MAP4K2: variants seen among roughly 807,000 people sequenced by gnomAD.
MAP4K2 encodes mitogen-activated protein kinase kinase kinase kinase 2, also known as B lymphocyte serine/threonine protein kinase.
In MAP4K2, 85 loss-of-function variants were observed where a neutral mutation model predicts 125.3. The observed-to-expected ratio is 0.68, with a 90% CI of 0.57 to 0.81. The LOEUF (loss-of-function observed/expected upper bound fraction) is 0.81, where lower values mean the gene tolerates loss of function less well. Among genes scored for constraint, MAP4K2 ranks in the 40% least tolerant of loss-of-function variants. MAP4K2 has a pLI of 0.00. For synonymous variants in MAP4K2, 479 were observed against 445.1 expected (o/e 1.08, Z -0.96); for missense variants, 923 against 1,056.4 (o/e 0.87, Z 1.75).
Position 64,802,012 on chromosome 11 carries a change from C to T in MAP4K2, c.366+54G>A, listed in dbSNP as rs1243993437. On this transcript the variant is annotated intron_variant, in intron 5 of 31. Transcript: ENST00000294066. Reference sequence around the variant, plus strand: ...GCCTCCCTGCTGGTCATCTGGGCTCCTGGCCCACAGCTTCTGGAGACCAGA... The same window carrying T: ...GCCTCCCTGCTGGTCATCTGGGCTCTTGGCCCACAGCTTCTGGAGACCAGA... 176 of 1,563,882 alleles carry T rather than the reference C, an allele frequency of 1.1e-4. 1 individual carries two copies. The highest frequency in any genetic ancestry group is 8.7e-7 in the Non-Finnish European group (1 of 1,148,982).
Position 64,800,787 on chromosome 11 carries a change from G to A in MAP4K2, c.702C>T (p.Pro234=). ...MLMSKSSFQP[P]KLRDKTRWTQ... Reference sequence around the variant, plus strand: ...ACCAGCGAGTCTTATCTCTCAGTTTGGGCGGCTGGAAGCTGCTCTTCGACA... The same window carrying A: ...ACCAGCGAGTCTTATCTCTCAGTTTAGGCGGCTGGAAGCTGCTCTTCGACA... The change falls in exon 10 of 32, where the codon CCC becomes CCT. Residue 234 remains proline, a synonymous_variant. Coordinates refer to ENST00000294066, the MANE Select transcript of MAP4K2 (RefSeq NM_004579.5). 1 of 1,609,356 alleles carries A rather than the reference G, an allele frequency of 6.2e-7. No homozygotes were observed. Among genetic ancestry groups the A allele is most frequent in the Non-Finnish European group, 8.5e-7 (1 of 1,177,922 alleles).
rs1267693560 is a variant in MAP4K2 at position 64,800,351 on chromosome 11, T to C, written c.767A>G (p.Lys256Arg). 1 of 1,614,140 alleles carries C rather than the reference T, an allele frequency of 6.2e-7. No homozygotes were observed. The highest frequency in any genetic ancestry group is 8.5e-7 in the Non-Finnish European group (1 of 1,180,018). The change falls in exon 11 of 32, where the codon AAG (lysine) becomes AGG (arginine). Residue 256 changes from lysine to arginine, a missense_variant. Lys to Arg is a conservative substitution (Grantham distance 26). Coordinates refer to ENST00000294066, the MANE Select transcript of MAP4K2 (RefSeq NM_004579.5). ...FHHFLKLALT[K>R]NPKKRPTAEK... ...TGCTGTCGGCCTCTTCTTAGGATTC[T>C]TGGTCAGGGCCAGTTTGAGAAAGTG...
In MAP4K2 at chr11:64,792,345, C is replaced by A; in HGVS notation, c.1810+19G>T. The A allele has an allele frequency of 6.4e-7, 1 of 1,567,860 alleles. No individual in the cohort carries two copies. ...CCCCCCACCAGGCCCCGCCCCACCC[C>A]GCCCAGCCCATTTCTTACCCACACG... On this transcript the variant is annotated intron_variant, in intron 25 of 31. Transcript: ENST00000294066.
intron 25 of MAP4K2, 28 bp downstream of exon 25, chr11:64,792,336 G>GGGCCCCCC: frequency 6.5e-6 from 4 of 614,804 alleles, no homozygotes; most frequent in Non-Finnish European, 9.4e-6. Flanking sequence ...ACCAGGCCCC[G>GGGCCCCCC]CCCCACCCCG....
chr11:64,790,458 C>T lies in MAP4K2; in HGVS notation c.2097G>A (p.Gly699=), dbSNP rs201019245. The T allele has an allele frequency of 2.7e-4, 437 of 1,613,802 alleles. 3 individuals are homozygous for T. Among genetic ancestry groups the T allele is most frequent in the Non-Finnish European group, 9.1e-5 (107 of 1,179,988 alleles). Reference sequence around the variant, plus strand: ...TCACCTGCTGGGCCGAGCCTGGGATCCCCTCTGCAGGCAGAGAAGAGAGAC... The same window carrying T: ...TCACCTGCTGGGCCGAGCCTGGGATTCCCTCTGCAGGCAGAGAAGAGAGAC... The part of the protein sequence containing the change: ...LTPDILIPPE[G]IPGSAQQVIQ... The change falls in exon 28 of 32, where the codon GGG becomes GGA. Residue 699 remains glycine (G), a synonymous_variant. Transcript: ENST00000294066.
At position 64,796,798 on chromosome 11, in the gene MAP4K2, C is replaced by A. The variant is rs756075252; in HGVS notation, c.1492+11G>T. On this transcript the variant is annotated intron_variant, in intron 21 of 31. Transcript: ENST00000294066. ...TCCTTGGGCTCCCGCTTCCTCCCTGCCCCCACCTACCCCGAGTAACAGGGT... is the reference window on the plus strand; with the variant it reads ...TCCTTGGGCTCCCGCTTCCTCCCTGACCCCACCTACCCCGAGTAACAGGGT... 6 of 1,612,952 alleles carry A rather than the reference C, an allele frequency of 3.7e-6. No individual in the cohort carries two copies. In the Admixed American group the frequency reaches 1.0e-4, roughly 27 times the overall value.
chr11:64,793,142 G>C (rs973448094), intron 24 of MAP4K2, among the ~76,000 whole-genome samples: 10 of 152,204 alleles, frequency 6.6e-5, no homozygotes, highest in African/African-American at 2.4e-4. Context: ...CTTGAACCCA[G>C]GAGGCGGAGG....
Position 64,791,961 on chromosome 11 carries a change from G to T in MAP4K2, c.2040C>A (p.Phe680Leu). 1 of 1,607,008 alleles carries T rather than the reference G, an allele frequency of 6.2e-7. No individual in the cohort carries two copies. The highest frequency in any genetic ancestry group is 8.5e-7 in the Non-Finnish European group (1 of 1,177,270). The change falls in exon 27 of 32, where the codon TTC becomes TTA. Residue 680 changes from phenylalanine (F) to leucine (L), a missense_variant. Phe to Leu is a conservative substitution (Grantham distance 22, BLOSUM62 0). This residue lies in a region of MAP4K2 where 833 missense variants were observed against 911.4 expected (regional missense o/e 0.91). Coordinates refer to ENST00000294066, the MANE Select transcript of MAP4K2 (RefSeq NM_004579.5). ...GGCCAGCCTCCAGGGGCAGGACATG[G>T]AACAGGACGCGGCAGCCGGGCCCCT... The part of the protein sequence containing the change: ...GPEGPGCRVL[F>L]HVLPLEAGLT...
At position 64,802,549 on chromosome 11, in the gene MAP4K2, TA is replaced by T. The variant is rs747315820; in HGVS notation, c.245+13del. On this transcript the variant is annotated intron_variant, in intron 3 of 31. Coordinates refer to ENST00000294066, the MANE Select transcript of MAP4K2 (RefSeq NM_004579.5). Reference sequence around the variant, plus strand: ...TGGGGGCTGCCTGGGGCCAGGAGGATAAGGCAGCCTCACCTGAGGTAGCTGC... The same window carrying T: ...TGGGGGCTGCCTGGGGCCAGGAGGATAGGCAGCCTCACCTGAGGTAGCTGC... 2.1e-5 allele frequency: 34 copies of T among 1,597,246 alleles called. No homozygotes were observed. The highest frequency in any genetic ancestry group is 2.7e-5 in the Non-Finnish European group (32 of 1,171,876).
intron 24 of MAP4K2, among the ~76,000 whole-genome samples, chr11:64,794,349 T>G (rs1022272106): frequency 7.9e-5 from 11 of 140,008 alleles, no homozygotes; most frequent in African/African-American, 1.5e-4. Context: ...AATCTGACTG[T>G]TTTTCTCTTC....
chr11:64,797,773 G>T lies in MAP4K2; in HGVS notation c.1098-109C>A, dbSNP rs1298868615. 1.8e-5 allele frequency: 19 copies of T among 1,035,482 alleles called. No homozygotes were observed. In the South Asian group the frequency reaches 2.6e-4, roughly 14 times the overall value. The allele number at this position is 1,035,482 out of a possible 1,614,324, so 64.1% of individuals were successfully genotyped here. ...CAGGCCGGAGTGCAGTGGCGCAATC[G>T]CGGCTCACTGCAAGCTCCGCCCCCC... is the stretch of plus-strand genomic sequence containing the variant. On this transcript the variant is annotated intron_variant, in intron 15 of 31. Coordinates refer to ENST00000294066, the MANE Select transcript of MAP4K2 (RefSeq NM_004579.5).
chr11:64,796,448 T>C, intron 23 of MAP4K2, 45 bp downstream of exon 23: 1 of 1,613,590 alleles, frequency 6.2e-7, no homozygotes, highest in Non-Finnish European at 8.5e-7. Context: ...GCTGAGGCGC[T>C]GGAGCCCCTG....
chr11:64,794,735 C>G (rs919588236), intron 24 of MAP4K2, among the ~76,000 whole-genome samples: 4 of 152,244 alleles, frequency 2.6e-5, no homozygotes, highest in African/African-American at 9.6e-5. Context: ...CTTGCTCTTC[C>G]CCCTGCCTGG....
At chr11:64,800,860 G>A (rs773902269) in intron 9 of MAP4K2, 34 bp from the exon 10 acceptor site, 22 of 1,613,634 alleles carry the variant, frequency 1.4e-5, no homozygotes, top group East Asian at 4.5e-5. Flanking sequence ...GCCACAGGCC[G>A]CAGATCAAGG....
In MAP4K2 at chr11:64,789,462, G is replaced by T; in HGVS notation, c.*75C>A. ...GGCCTGGGCTCCTCTGGTCTAGGATGGGCCCCTTTGCCCAAAAGGGCCTGC... is the reference window on the plus strand; with the variant it reads ...GGCCTGGGCTCCTCTGGTCTAGGATTGGCCCCTTTGCCCAAAAGGGCCTGC... On this transcript the variant is annotated 3_prime_UTR_variant, in exon 32 of 32. Transcript: ENST00000294066. 1 of 1,313,272 alleles carries T rather than the reference G, an allele frequency of 7.6e-7. No homozygotes were observed. Among genetic ancestry groups the T allele is most frequent in the Non-Finnish European group, 1.1e-6 (1 of 932,430 alleles). The allele number at this position is 1,313,272 out of a possible 1,614,324, so 81.4% of individuals were successfully genotyped here.
At position 64,790,188 on chromosome 11, in the gene MAP4K2, CCA is replaced by C; in HGVS notation, c.2246_2247del (p.Val749GlyfsTer24). On this transcript the variant is annotated frameshift_variant and splice_region_variant, in exon 29 of 32. Coordinates refer to ENST00000294066, the MANE Select transcript of MAP4K2 (RefSeq NM_004579.5). LOFTEE classifies it high-confidence loss of function. ...ELTFDFPIET[V>X]VCLQDSVLAF... is the part of the protein sequence containing the mutation. ...TGCACCCCACCTCTGGCTCACTCAC[CCA>C]CAGTCTCGATGGGGAAATCAAAGGT... The C allele has an allele frequency of 6.2e-7, 1 of 1,614,172 alleles. No homozygotes were observed. The highest frequency in any genetic ancestry group is 8.5e-7 in the Non-Finnish European group (1 of 1,180,012).
rs372757849 is a variant in MAP4K2, at chr11:64,801,102, C to T, written c.530+9G>A. On this transcript the variant is annotated intron_variant, in intron 8 of 31. Coordinates refer to ENST00000294066, the MANE Select transcript of MAP4K2 (RefSeq NM_004579.5). ...GGCCCCTACCCCTCCGCCCCAGGCG[C>T]AGCCTCACCAGTAGGGAGTCCCAAT... 74 of 1,613,492 alleles carry T rather than the reference C, an allele frequency of 4.6e-5. No individual in the cohort carries two copies. Among genetic ancestry groups the T allele is most frequent in the Non-Finnish European group, 6.0e-5 (71 of 1,179,996 alleles).
At chr11:64,799,301 A>G (rs1416680347) in intron 14 of MAP4K2, 120 bp downstream of exon 14, 14 of 1,256,060 alleles carry the variant, frequency 1.1e-5, no homozygotes, top group Non-Finnish European at 1.6e-5. Context: ...GGACAGTCTA[A>G]GGCCCAAGGC....
At chr11:64,791,782 C>T (rs1178117175) in intron 27 of MAP4K2, 127 bp downstream of exon 27, 1 of 1,021,246 alleles carries the variant, frequency 9.8e-7, no homozygotes, top group Non-Finnish European at 1.4e-6. Flanking sequence ...ACATGGCAGC[C>T]CTCAAGGTCT....
Sources: allele counts gnomAD v4.1 joint callset (sites outside exome capture counted in the v4.1 genomes callset), GRCh38; gene constraint gnomAD v4.1.1; regional missense constraint gnomAD v4.1.1; transcripts MANE v1.5; gene names NCBI Gene and HGNC (gene_info 2026-07-23, HGNC 2026-07-21).